Variants in DYNC1I1 observed in about 807,000 individuals in gnomAD.
DYNC1I1 encodes the protein dynein cytoplasmic 1 intermediate chain 1.
A neutral mutation model predicts 86.6 loss-of-function variants in DYNC1I1; 43 were observed. That is an observed-to-expected ratio of 0.50 (90% CI 0.39 to 0.64). The LOEUF (loss-of-function observed/expected upper bound fraction) is 0.64, where lower values mean the gene tolerates loss of function less well. Ranked by LOEUF, DYNC1I1 falls within the 30% of genes least tolerant of loss-of-function variation. The pLI, the probability that DYNC1I1 is intolerant of heterozygous loss-of-function variation, is 0.00. For synonymous variants in DYNC1I1, 262 were observed against 283.7 expected (o/e 0.92, Z 0.77); for missense variants, 604 against 788.8 (o/e 0.77, Z 2.81).
At chr7:95,946,493 T>A (rs750162358) in intron 6 of DYNC1I1, among the ~76,000 whole-genome samples, 5 of 152,160 alleles carry the variant, frequency 3.3e-5, no homozygotes, top group Non-Finnish European at 7.3e-5. Context: ...TCCACAAAAA[T>A]CTTCATCAGC....
At chr7:95,857,202 G>A (rs745415762) in intron 5 of DYNC1I1, among the ~76,000 whole-genome samples, 25 of 152,140 alleles carry the variant, frequency 1.6e-4, no homozygotes, top group Non-Finnish European at 3.1e-4. Flanking sequence ...TTGCACCTGT[G>A]TCTTCTCAGT....
intron 5 of DYNC1I1, among the ~76,000 whole-genome samples, chr7:95,847,752 T>C (rs1789472952): frequency 6.6e-6 from 1 of 152,178 alleles, no homozygotes; most frequent in South Asian, 2.1e-4. Context: ...GTGAATTTAG[T>C]CTCCAGATCT....
At chr7:96,003,913 C>T (rs1794078215) in intron 10 of DYNC1I1, among the ~76,000 whole-genome samples, 3 of 152,140 alleles carry the variant, frequency 2.0e-5, no homozygotes, top group Non-Finnish European at 4.4e-5. Context: ...TTGTGTGTGT[C>T]TTTAAGTTGC....
At chr7:95,992,453 A>T (rs948791100) in intron 9 of DYNC1I1, among the ~76,000 whole-genome samples, 4 of 152,254 alleles carry the variant, frequency 2.6e-5, no homozygotes, top group Non-Finnish European at 5.9e-5. Context: ...TATTAGCAAC[A>T]TAGCATGGAA....
chr7:95,800,328 A>G (rs1223324181), intron 1 of DYNC1I1, among the ~76,000 whole-genome samples: 1 of 152,008 alleles, frequency 6.6e-6, no homozygotes, highest in East Asian at 1.9e-4. Flanking sequence ...TTGGCTTGAC[A>G]AAGAAAGACA....
chr7:96,053,832 G>A (rs1271096842), intron 14 of DYNC1I1, among the ~76,000 whole-genome samples: 2 of 152,074 alleles, frequency 1.3e-5, no homozygotes, highest in African/African-American at 2.4e-5. Flanking sequence ...AATGTGGCAT[G>A]AGTAGAATTT....
At chr7:95,988,649 C>T (rs1357454561) in intron 9 of DYNC1I1, among the ~76,000 whole-genome samples, 1 of 152,208 alleles carries the variant, frequency 6.6e-6, no homozygotes, top group Non-Finnish European at 1.5e-5. Flanking sequence ...CCTGCAATAA[C>T]ACTGACATAA....
chr7:95,959,217 G>A (rs1792799228), intron 6 of DYNC1I1, among the ~76,000 whole-genome samples: 1 of 152,102 alleles, frequency 6.6e-6, no homozygotes, highest in Non-Finnish European at 1.5e-5. Context: ...GGAGTGAGGG[G>A]CAGATCTTGC....
At chr7:95,925,348 T>G (rs568048917) in intron 6 of DYNC1I1, among the ~76,000 whole-genome samples, 3 of 152,306 alleles carry the variant, frequency 2.0e-5, no homozygotes, top group African/African-American at 7.2e-5. Flanking sequence ...GTTGTCTGAA[T>G]GTTTTTCCCA....
chr7:95,897,802 G>C (rs1034375499), intron 6 of DYNC1I1, among the ~76,000 whole-genome samples: 2 of 151,310 alleles, frequency 1.3e-5, no homozygotes, highest in African/African-American at 4.9e-5. Flanking sequence ...CTTGTAGAGA[G>C]ATAACATGCA....
chr7:95,840,253 G>GT (rs1789244097), intron 5 of DYNC1I1, among the ~76,000 whole-genome samples: 1 of 150,650 alleles, frequency 6.6e-6, no homozygotes, highest in Non-Finnish European at 1.5e-5. Flanking sequence ...TATCTTCACT[G>GT]TTTTTTATTC....
intron 9 of DYNC1I1, among the ~76,000 whole-genome samples, chr7:95,987,970 A>G (rs1432100910): frequency 1.3e-5 from 2 of 152,158 alleles, no homozygotes; most frequent in Non-Finnish European, 2.9e-5. Flanking sequence ...TCACTCATGT[A>G]TTCATCATCT....
chr7:95,875,543 A>G (rs977627462), intron 6 of DYNC1I1, among the ~76,000 whole-genome samples: 1 of 152,186 alleles, frequency 6.6e-6, no homozygotes, highest in African/African-American at 2.4e-5. Flanking sequence ...GAAATGCCCA[A>G]ATTCATAGAG....
At chr7:96,055,398 T>C (rs1789545917) in intron 14 of DYNC1I1, among the ~76,000 whole-genome samples, 2 of 152,178 alleles carry the variant, frequency 1.3e-5, no homozygotes, top group African/African-American at 2.4e-5. Flanking sequence ...TTCCAGAACT[T>C]AAAGTATAAT....
intron 14 of DYNC1I1, among the ~76,000 whole-genome samples, chr7:96,054,748 T>C (rs1789519120): frequency 6.6e-6 from 1 of 152,236 alleles, no homozygotes. Context: ...TTCATGTTTG[T>C]TGGCCACATA....
chr7:95,861,629 T>C (rs13245313), intron 5 of DYNC1I1, among the ~76,000 whole-genome samples: 1 of 148,686 alleles, frequency 6.7e-6, no homozygotes, highest in Non-Finnish European at 1.5e-5. Flanking sequence ...TTTTTTTTTT[T>C]ACTTTTCTTA....
intron 14 of DYNC1I1, 87 bp from the exon 15 acceptor site, chr7:96,075,969 TG>T: frequency 6.6e-7 from 1 of 1,519,678 alleles, no homozygotes; most frequent in African/African-American, 1.4e-5. Context: ...TGACACTTTG[TG>T]AATGTGCAAA....
At chr7:95,818,793 T>C in intron 4 of DYNC1I1, 1 of 347,444 alleles carries the variant, frequency 2.9e-6, no homozygotes, top group East Asian at 4.3e-5. Flanking sequence ...TTTTATATTA[T>C]ATGTATGTCA....
At chr7:96,050,554 G>C (rs1427570924) in intron 14 of DYNC1I1, among the ~76,000 whole-genome samples, 1 of 152,050 alleles carries the variant, frequency 6.6e-6, no homozygotes, top group Non-Finnish European at 1.5e-5. Context: ...TTTTGAAGTG[G>C]GACAAACATG....
Sources: gnomAD v4.1 joint callset for allele counts (sites outside exome capture counted in the v4.1 genomes callset) on GRCh38, gnomAD v4.1.1 for gene constraint, MANE v1.5 for transcripts, NCBI Gene and HGNC (gene_info 2026-07-23, HGNC 2026-07-21) for gene names.